Variants in PPP4R1 observed in about 807,000 individuals in gnomAD.
PPP4R1 encodes the protein protein phosphatase 4 regulatory subunit 1.
PPP4R1 carries 42 observed loss-of-function variants against 111.2 expected under a neutral mutation model. That is an observed-to-expected ratio of 0.38 (90% CI 0.29 to 0.49). PPP4R1 has a LOEUF of 0.49. Among genes scored for constraint, PPP4R1 ranks in the 20% least tolerant of loss-of-function variants. The probability of loss-of-function intolerance (pLI) is 0.97; values close to 1 mark genes in which losing one functional copy is unlikely to be tolerated. For missense variants in PPP4R1, 1,012 were observed against 1,161.6 expected (o/e 0.87, Z 1.87); for synonymous variants, 409 against 405.5 (o/e 1.01, Z -0.10).
chr18:9,550,646 A>G (rs1397483435), intron 16 of PPP4R1: 2 of 455,316 alleles, frequency 4.4e-6, no homozygotes, highest in African/African-American at 4.0e-5. Flanking sequence ...TTCTGCATCC[A>G]TGGGGACTGA....
intron 19 of PPP4R1, 60 bp from the exon 20 acceptor site, chr18:9,548,012 C>T (rs745792905): frequency 2.8e-5 from 43 of 1,540,036 alleles, no homozygotes; most frequent in African/African-American, 2.3e-4. Context: ...TTCAGAGTTC[C>T]GTCAAGTACG....
At chr18:9,608,953 T>C (rs2067530513) in intron 2 of PPP4R1, among the ~76,000 whole-genome samples, 1 of 152,178 alleles carries the variant, frequency 6.6e-6, no homozygotes, top group Non-Finnish European at 1.5e-5. Flanking sequence ...ACAAAAAGTA[T>C]GCATTTAGGT....
chr18:9,606,016 C>T (rs2067476447), intron 2 of PPP4R1, among the ~76,000 whole-genome samples: 1 of 152,170 alleles, frequency 6.6e-6, no homozygotes, highest in African/African-American at 2.4e-5. Flanking sequence ...GTTGGGAATT[C>T]ATTACAATAT....
intron 8 of PPP4R1, among the ~76,000 whole-genome samples, chr18:9,583,795 TATAA>T (rs1422866883): frequency 2.0e-5 from 3 of 151,412 alleles, no homozygotes; most frequent in East Asian, 3.9e-4. Flanking sequence ...TATCTTAAAT[TATAA>T]ATATATAACA....
At chr18:9,612,304 A>G (rs2067595212) in intron 2 of PPP4R1, among the ~76,000 whole-genome samples, 1 of 152,208 alleles carries the variant, frequency 6.6e-6, no homozygotes, top group African/African-American at 2.4e-5. Flanking sequence ...GAGTTGCCCA[A>G]GTCTGCCCAA....
intron 14 of PPP4R1, 122 bp from the exon 15 acceptor site, chr18:9,557,504 T>C: frequency 1.2e-6 from 1 of 807,772 alleles, no homozygotes; most frequent in Non-Finnish European, 1.8e-6. Context: ...TAAATCAGAA[T>C]AACAGATACT....
chr18:9,557,181 A>T, intron 15 of PPP4R1, 40 bp downstream of exon 15: 1 of 1,512,808 alleles, frequency 6.6e-7, no homozygotes, highest in African/African-American at 1.4e-5. Flanking sequence ...ATTACGGCAG[A>T]ATTTTGTTGT....
At chr18:9,553,983 A>G (rs2066528665) in intron 15 of PPP4R1, among the ~76,000 whole-genome samples, 1 of 152,266 alleles carries the variant, frequency 6.6e-6, no homozygotes, top group Non-Finnish European at 1.5e-5. Flanking sequence ...GACTACTTTG[A>G]CCATACATCT....
rs1362948669 is a variant in PPP4R1, at chr18:9,614,497, C to G, written c.-13G>C. Reference sequence around the variant, plus strand: ...ACGTACCCGCCATCTTGTGGTCGCCCCCTCCTCCGCGGCCGCCCGGGGAGC... The same window carrying G: ...ACGTACCCGCCATCTTGTGGTCGCCGCCTCCTCCGCGGCCGCCCGGGGAGC... On this transcript the variant is annotated 5_prime_UTR_variant, in exon 1 of 20. Transcript: ENST00000400556. The surrounding 1 kb of genome is among the most constrained non-coding windows in gnomAD (Gnocchi z 4.1). 1 of 1,027,356 alleles carries G rather than the reference C, an allele frequency of 9.7e-7. No individual in the cohort carries two copies. The highest frequency in any genetic ancestry group is 1.2e-6 in the Non-Finnish European group (1 of 858,246). The allele number at this position is 1,027,356 out of a possible 1,614,324, so 63.6% of individuals were successfully genotyped here.
intron 11 of PPP4R1, among the ~76,000 whole-genome samples, chr18:9,565,354 G>C (rs1451855768): frequency 6.6e-6 from 1 of 152,086 alleles, no homozygotes; most frequent in Admixed American, 6.6e-5. Context: ...TTAAAATTGG[G>C]CCAATCAATA....
In PPP4R1 at chr18:9,604,172, T is replaced by C. The variant is rs144458011; in HGVS notation, c.53-9019A>G. 2.0e-4 allele frequency among the ~76,000 whole-genome samples: 31 copies of C among 152,328 alleles called. No individual in the cohort carries two copies. In the East Asian group the frequency reaches 6.0e-3, roughly 29 times the overall value. ...TGAATGTCAACTTTAAAATACATGA[T>C]ACAGAGTTTTCAAAATTATTTTAGT... On this transcript the variant is annotated intron_variant, in intron 2 of 19. Transcript: ENST00000400556.
intron 2 of PPP4R1, among the ~76,000 whole-genome samples, chr18:9,612,293 T>C (rs988561006): frequency 2.6e-5 from 4 of 152,164 alleles, no homozygotes; most frequent in Non-Finnish European, 4.4e-5. Context: ...GGAGGTTAAG[T>C]GAGTTGCCCA....
intron 4 of PPP4R1, 101 bp from the exon 5 acceptor site, chr18:9,588,954 CA>C (rs2067166399): frequency 8.5e-6 from 12 of 1,406,206 alleles, no homozygotes; most frequent in African/African-American, 1.4e-5. Flanking sequence ...CTTTCATCTT[CA>C]AAATATAAAG....
chr18:9,553,219 G>C, intron 16 of PPP4R1, 103 bp downstream of exon 16: 1 of 857,678 alleles, frequency 1.2e-6, no homozygotes, highest in Admixed American at 3.0e-5. Flanking sequence ...ATACCACATA[G>C]AAACTTGGAT....
At chr18:9,598,859 T>TA (rs35624023) in intron 2 of PPP4R1, among the ~76,000 whole-genome samples, 6 of 150,932 alleles carry the variant, frequency 4.0e-5, no homozygotes, top group South Asian at 2.1e-4. Context: ...ACCTTGCCTC[T>TA]AAAAAAAAAT....
At chr18:9,584,851 C>T in intron 6 of PPP4R1, 23 bp from the exon 7 acceptor site, 2 of 1,534,076 alleles carry the variant, frequency 1.3e-6, no homozygotes, top group South Asian at 1.2e-5. Context: ...AGAACAAACA[C>T]ACACTGAAAA....
intron 15 of PPP4R1, among the ~76,000 whole-genome samples, chr18:9,555,989 C>CAAA (rs1304972803): frequency 5.3e-5 from 4 of 75,148 alleles, no homozygotes; most frequent in African/African-American, 9.0e-5. Context: ...AACAAACAAA[C>CAAA]AAACAAACAA....
intron 19 of PPP4R1, 29 bp from the exon 20 acceptor site, chr18:9,547,981 G>A (rs1367913584): frequency 1.9e-6 from 3 of 1,608,532 alleles, no homozygotes; most frequent in Non-Finnish European, 1.7e-6. Flanking sequence ...TAGGACAGAT[G>A]AAACCAGTCC....
intron 2 of PPP4R1, 95 bp from the exon 3 acceptor site, chr18:9,595,248 T>TA: frequency 2.3e-6 from 3 of 1,294,852 alleles, no homozygotes; most frequent in East Asian, 2.5e-5. Flanking sequence ...TCTGGAATGG[T>TA]ACAAAAAAAA....
Sources: gnomAD v4.1 joint callset for allele counts (sites outside exome capture counted in the v4.1 genomes callset) on GRCh38, gnomAD v4.1.1 for gene constraint, Gnocchi (gnomAD v3.1) non-coding constraint, MANE v1.5 for transcripts, NCBI Gene and HGNC (gene_info 2026-07-23, HGNC 2026-07-21) for gene names.